PLXNA4: variants seen among roughly 807,000 people sequenced by gnomAD.
PLXNA4 encodes plexin A4.
Under a neutral mutation model 191.8 loss-of-function variants are expected in PLXNA4, and 44 were observed. That is an observed-to-expected ratio of 0.23 (90% CI 0.18 to 0.29). The LOEUF (loss-of-function observed/expected upper bound fraction) is 0.29, where lower values mean the gene tolerates loss of function less well. PLXNA4 is among the 10% of genes least tolerant of loss of function. The pLI, the probability that PLXNA4 is intolerant of heterozygous loss-of-function variation, is 1.00. For missense variants in PLXNA4, 1,800 were observed against 2,488.8 expected (o/e 0.72, Z 5.89); for synonymous variants, 1,082 against 1,009.5 (o/e 1.07, Z -1.36).
intron 3 of PLXNA4, among the ~76,000 whole-genome samples, chr7:132,313,242 T>A (rs1352324928): frequency 6.6e-6 from 1 of 152,076 alleles, no homozygotes; most frequent in Non-Finnish European, 1.5e-5. Context: ...TTATTTAATG[T>A]GTTTCAAGGA....
chr7:132,387,021 G>T (rs1323408463), intron 3 of PLXNA4, among the ~76,000 whole-genome samples: 1 of 152,246 alleles, frequency 6.6e-6, no homozygotes, highest in African/African-American at 2.4e-5. Context: ...TTGAGTATGT[G>T]CTGGGATGTT....
chr7:132,642,587 G>T (rs893116008), intron 2 of PLXNA4, among the ~76,000 whole-genome samples: 4 of 152,006 alleles, frequency 2.6e-5, no homozygotes, highest in Admixed American at 6.6e-5. Flanking sequence ...GGCGAGGGAG[G>T]GGGGAACGAC....
rs143430305 is a variant in PLXNA4 at position 132,583,347 on chromosome 7, A to T, written c.-87+62581T>A. On this transcript the variant is annotated intron_variant, in intron 2 of 4. Coordinates refer to the PLXNA4 transcript ENST00000378539. ...GGAGGCCCAAGGATGCTTCCTATAG[A>T]TGGCAGGTAGAGTAAAAAGAGACTA... Among the ~76,000 whole-genome samples the T allele has an allele frequency of 7.9e-5, 12 of 152,262 alleles. No individual in the cohort carries two copies. In the East Asian group the frequency reaches 2.3e-3, roughly 29 times the overall value.
chr7:132,603,719 AT>A (rs1802864065), intron 2 of PLXNA4, among the ~76,000 whole-genome samples: 1 of 152,186 alleles, frequency 6.6e-6, no homozygotes, highest in Non-Finnish European at 1.5e-5. Flanking sequence ...GGAGTCAGAT[AT>A]TGGACTTCAA....
intron 1 of PLXNA4, among the ~76,000 whole-genome samples, chr7:132,550,785 C>T (rs1285196533): frequency 1.1e-5 from 1 of 88,744 alleles, no homozygotes; most frequent in African/African-American, 4.0e-5. Flanking sequence ...ACCACATCTG[C>T]ACCTATAGTC....
rs1007334638 is a variant in PLXNA4 at position 132,203,394 on chromosome 7, T to C, written c.2324A>G (p.Asn775Ser). The C allele has an allele frequency of 6.2e-7, 1 of 1,614,032 alleles. No homozygotes were observed. The highest frequency in any genetic ancestry group is 1.3e-5 in the African/African-American group (1 of 74,908). The change falls in exon 11 of 32, where the codon AAC (asparagine) becomes AGC (serine). Residue 775 changes from asparagine to serine, a missense_variant. By Grantham distance (46) the Asn-to-Ser change is conservative. Coordinates refer to ENST00000321063, the MANE Select transcript of PLXNA4 (RefSeq NM_020911.2). ...GACTGTCAACTCCACGGGCAGGTTG[T>C]TGATCTCCATCCCTTCATAGGAATA... is the stretch of plus-strand genomic sequence containing the variant. Reference protein sequence around the residue: ...TSYSYEGMEINNLPVELTVVW... With the variant: ...TSYSYEGMEISNLPVELTVVW...
At chr7:132,225,402 G>A (rs760145948) in intron 8 of PLXNA4, among the ~76,000 whole-genome samples, 6 of 152,164 alleles carry the variant, frequency 3.9e-5, no homozygotes, top group Admixed American at 2.6e-4. Context: ...CTCCTGCCAC[G>A]TCAGTTGGTA....
intron 3 of PLXNA4, among the ~76,000 whole-genome samples, chr7:132,488,968 T>C (rs961943991): frequency 2.6e-5 from 4 of 152,206 alleles, no homozygotes; most frequent in Non-Finnish European, 4.4e-5. Context: ...TCAGACCTAA[T>C]AAAGCCTTTG....
At chr7:132,459,537 C>T (rs752560803) in intron 3 of PLXNA4, among the ~76,000 whole-genome samples, 12 of 152,064 alleles carry the variant, frequency 7.9e-5, no homozygotes, top group East Asian at 1.9e-4. Context: ...TTAGAGATGC[C>T]GGAAGGGGTC....
chr7:132,235,459 G>A (rs941184350), intron 5 of PLXNA4, among the ~76,000 whole-genome samples: 6 of 152,164 alleles, frequency 3.9e-5, no homozygotes, highest in Non-Finnish European at 5.9e-5. Context: ...AAACCATATA[G>A]AAAAGAATAG....
intron 3 of PLXNA4, among the ~76,000 whole-genome samples, chr7:132,405,056 G>T (rs1179232862): frequency 1.4e-5 from 1 of 70,330 alleles, no homozygotes; most frequent in Non-Finnish European, 2.8e-5. Flanking sequence ...GCAGCTGAGG[G>T]TATGTGTGTG....
In PLXNA4 at chr7:132,628,166, T is replaced by G. The variant is rs150329085; in HGVS notation, c.-87+17762A>C. Among the ~76,000 whole-genome samples, 245 of 152,324 alleles carry G rather than the reference T, an allele frequency of 1.6e-3. 2 individuals carry two copies. Among genetic ancestry groups the G allele is most frequent in the Non-Finnish European group, 2.4e-3 (161 of 68,018 alleles). ...ACTTTGAGATCTGCCTTCCTAAAAA[T>G]TTATTCTATCCTCATATTTGAGGTA... On this transcript the variant is annotated intron_variant, in intron 2 of 4. Transcript: ENST00000378539.
intron 2 of PLXNA4, among the ~76,000 whole-genome samples, chr7:132,614,809 C>A (rs1460921608): frequency 6.6e-6 from 1 of 152,178 alleles, no homozygotes; most frequent in Non-Finnish European, 1.5e-5. Flanking sequence ...CACCTCCCAC[C>A]GCGGAACTGA....
intron 2 of PLXNA4, among the ~76,000 whole-genome samples, chr7:132,627,475 G>T (rs545871208): frequency 6.6e-6 from 1 of 151,956 alleles, no homozygotes; most frequent in Non-Finnish European, 1.5e-5. Context: ...GTTTTCCAAG[G>T]TTGTCTTATT....
intron 2 of PLXNA4, among the ~76,000 whole-genome samples, chr7:132,619,911 C>G (rs1288839463): frequency 6.6e-6 from 1 of 152,256 alleles, no homozygotes; most frequent in East Asian, 1.9e-4. Context: ...TGCCATTCTC[C>G]TGCCTCAGCC....
At chr7:132,563,712 TCTC>T (rs377563054) in intron 1 of PLXNA4, among the ~76,000 whole-genome samples, 848 of 32,484 alleles carry the variant, frequency 0.026, 50 homozygotes, top group African/African-American at 0.099. Context: ...TCCTCCTCCT[TCTC>T]CTCCTCCTCT....
At chr7:132,453,626 C>T (rs1353860349) in intron 3 of PLXNA4, among the ~76,000 whole-genome samples, 1 of 152,034 alleles carries the variant, frequency 6.6e-6, no homozygotes, top group African/African-American at 2.4e-5. Context: ...ACTGCAACCT[C>T]CAACTCCCTG....
intron 3 of PLXNA4, among the ~76,000 whole-genome samples, chr7:132,322,184 C>CTTTTTTTTTTTTTTTTTTTTTTTTTTTTT (rs5887566): frequency 1.6e-5 from 2 of 122,518 alleles, no homozygotes; most frequent in Non-Finnish European, 1.7e-5. Context: ...CCTAAAAGGG[C>CTTTTTTTTTTTTTTTTTTTTTTTTTTTTT]TTTTTTTTTT....
At chr7:132,409,708 A>G (rs1231884840) in intron 3 of PLXNA4, among the ~76,000 whole-genome samples, 2 of 152,210 alleles carry the variant, frequency 1.3e-5, no homozygotes, top group Non-Finnish European at 2.9e-5. Flanking sequence ...CAGAGAAAAT[A>G]CGACTTGTTT....
Sources: allele counts gnomAD v4.1 joint callset (sites outside exome capture counted in the v4.1 genomes callset), GRCh38; gene constraint gnomAD v4.1.1; transcripts MANE v1.5; gene names NCBI Gene and HGNC (gene_info 2026-07-23, HGNC 2026-07-21).